The following CDC42BPA variants were observed in gnomAD, a reference collection of about 807,000 sequenced individuals.
CDC42BPA encodes the protein CDC42 binding protein kinase alpha.
CDC42BPA carries 80 observed loss-of-function variants against 223.5 expected under a neutral mutation model. The observed-to-expected ratio is 0.36, with a 90% CI of 0.30 to 0.43. The LOEUF (loss-of-function observed/expected upper bound fraction) is 0.43. CDC42BPA is among the 20% of genes least tolerant of loss of function. The probability of loss-of-function intolerance (pLI) is 1.00; values close to 1 mark genes in which losing one functional copy is unlikely to be tolerated. For synonymous variants in CDC42BPA, 694 were observed against 718.6 expected (o/e 0.97, Z 0.55); for missense variants, 1,743 against 2,099.9 (o/e 0.83, Z 3.32).
intron 1 of CDC42BPA, among the ~76,000 whole-genome samples, chr1:227,263,314 T>G (rs1572710275): frequency 6.6e-6 from 1 of 152,200 alleles, no homozygotes; most frequent in African/African-American, 2.4e-5. Flanking sequence ...GTTTATATAA[T>G]AATTTTTTTA....
intron 5 of CDC42BPA, among the ~76,000 whole-genome samples, chr1:227,176,260 A>G (rs1666948168): frequency 6.6e-6 from 1 of 152,106 alleles, no homozygotes; most frequent in African/African-American, 2.4e-5. Context: ...GCCCACAATG[A>G]TATCTTCAAT....
intron 5 of CDC42BPA, among the ~76,000 whole-genome samples, chr1:227,167,378 C>T (rs548733015): frequency 5.9e-5 from 9 of 152,260 alleles, no homozygotes; most frequent in Admixed American, 5.9e-4. Flanking sequence ...TGACAAATGA[C>T]CTTTTCACTG....
At chr1:227,083,309 CTTTG>C (rs1465806724) in intron 16 of CDC42BPA, among the ~76,000 whole-genome samples, 2 of 151,988 alleles carry the variant, frequency 1.3e-5, no homozygotes, top group Non-Finnish European at 2.9e-5. Flanking sequence ...CAGTCCTTTT[CTTTG>C]TTTCTCTCCA....
At chr1:227,186,654 C>A (rs886544131) in intron 5 of CDC42BPA, among the ~76,000 whole-genome samples, 2 of 152,180 alleles carry the variant, frequency 1.3e-5, no homozygotes, top group Admixed American at 1.3e-4. Context: ...CATGCACACA[C>A]ACGCCCCTTG....
At chr1:227,200,345 T>G (rs969512692) in intron 3 of CDC42BPA, among the ~76,000 whole-genome samples, 1 of 151,470 alleles carries the variant, frequency 6.6e-6, no homozygotes, top group Non-Finnish European at 1.5e-5. Context: ...ACGGGAGAAT[T>G]GCTTGAACCC....
At chr1:227,248,421 G>A (rs930146320) in intron 2 of CDC42BPA, among the ~76,000 whole-genome samples, 1 of 152,008 alleles carries the variant, frequency 6.6e-6, no homozygotes, top group East Asian at 1.9e-4. Flanking sequence ...TAAAGTTGCA[G>A]GATACAAAAT....
chr1:227,027,371 C>T (rs558729913), intron 30 of CDC42BPA, among the ~76,000 whole-genome samples: 1 of 152,216 alleles, frequency 6.6e-6, no homozygotes, highest in South Asian at 2.1e-4. Flanking sequence ...TGACTAGACC[C>T]ATACCCATCA....
rs1328804248 is a variant in CDC42BPA, at chr1:226,990,444, T to C, written c.*3824A>G. 1.3e-5 allele frequency: 2 copies of C among 152,230 alleles called. No homozygotes were observed. Among genetic ancestry groups the C allele is most frequent in the African/African-American group, 2.4e-5 (1 of 41,426 alleles). The allele number at this position is 152,230 out of a possible 1,614,324, so 9.4% of individuals were successfully genotyped here. A position where few individuals can be genotyped will look rare whatever the true frequency, so the allele number is the denominator to read the frequency against. ...GAAAGAGATTTTAAAATGGGCTCCA[T>C]GAAATGCAGCTCATCTAGTTCAGGG... On this transcript the variant is annotated 3_prime_UTR_variant, in exon 37 of 37. Coordinates refer to ENST00000366766, the MANE Select transcript of CDC42BPA (RefSeq NM_001394014.1).
At chr1:227,067,965 A>G (rs1436452091) in intron 21 of CDC42BPA, among the ~76,000 whole-genome samples, 2 of 152,110 alleles carry the variant, frequency 1.3e-5, no homozygotes, top group African/African-American at 4.8e-5. Flanking sequence ...AATAGAGAGA[A>G]TGTTATGCCA....
rs540171850 is a variant in CDC42BPA, at chr1:227,175,963, G to A, written c.600-15327C>T. ...CAGAGCTGTATGTATGGTGTACTGG[G>A]TGTGTGTATGAAATACTGCAGAAGT... On this transcript the variant is annotated intron_variant, in intron 5 of 36. Coordinates refer to ENST00000366766, the MANE Select transcript of CDC42BPA (RefSeq NM_001394014.1). Among the ~76,000 whole-genome samples the A allele has an allele frequency of 2.0e-5, 3 of 152,238 alleles. No homozygotes were observed. The East Asian group carries it at 5.8e-4, about 29-fold the overall frequency.
intron 14 of CDC42BPA, among the ~76,000 whole-genome samples, chr1:227,106,097 C>T (rs1558509278): frequency 6.6e-6 from 1 of 152,088 alleles, no homozygotes; most frequent in Admixed American, 6.6e-5. Flanking sequence ...CTTGTTAAGA[C>T]CTACTTTCTT....
chr1:227,120,647 ACCTATG>A (rs1688504816), intron 11 of CDC42BPA, among the ~76,000 whole-genome samples: 1 of 152,222 alleles, frequency 6.6e-6, no homozygotes, highest in Non-Finnish European at 1.5e-5. Context: ...ATTGATTTTA[ACCTATG>A]CCTCAAAATG....
intron 15 of CDC42BPA, among the ~76,000 whole-genome samples, chr1:227,092,415 T>C (rs1016347750): frequency 3.3e-5 from 5 of 152,218 alleles, no homozygotes; most frequent in African/African-American, 9.7e-5. Flanking sequence ...TTAGATTATA[T>C]AGTCAGAGAA....
intron 24 of CDC42BPA, 70 bp from the exon 25 acceptor site, chr1:227,035,677 T>G (rs1670077937): frequency 9.1e-7 from 1 of 1,103,152 alleles, no homozygotes; most frequent in East Asian, 2.6e-5. Context: ...TAACACTCAC[T>G]GCATACAAGA....
chr1:227,261,730 G>T (rs1684117627), intron 1 of CDC42BPA, among the ~76,000 whole-genome samples: 1 of 152,138 alleles, frequency 6.6e-6, no homozygotes, highest in Non-Finnish European at 1.5e-5. Context: ...ACGAATGAAG[G>T]TATTGCTGGT....
intron 5 of CDC42BPA, among the ~76,000 whole-genome samples, chr1:227,185,645 C>T (rs1668648057): frequency 6.6e-6 from 1 of 152,040 alleles, no homozygotes; most frequent in Non-Finnish European, 1.5e-5. Flanking sequence ...GCTTTGGAGC[C>T]CCCCTCCCTC....
chr1:227,259,454 T>A (rs1356376001), intron 1 of CDC42BPA, among the ~76,000 whole-genome samples: 2 of 150,932 alleles, frequency 1.3e-5, no homozygotes, highest in Non-Finnish European at 2.9e-5. Flanking sequence ...AAAGGAAGTG[T>A]TCCGATAGCT....
At chr1:227,141,892 C>T (rs1659741515) in intron 9 of CDC42BPA, among the ~76,000 whole-genome samples, 1 of 152,074 alleles carries the variant, frequency 6.6e-6, no homozygotes, top group South Asian at 2.1e-4. Flanking sequence ...TCATTTGTGC[C>T]CAGGAGTCTG....
chr1:227,003,533 C>A (rs975996852), intron 35 of CDC42BPA, among the ~76,000 whole-genome samples: 1 of 152,182 alleles, frequency 6.6e-6, no homozygotes, highest in Non-Finnish European at 1.5e-5. Flanking sequence ...TATCTTAGAT[C>A]GCAGTGAATT....
Sources: allele counts gnomAD v4.1 joint callset (sites outside exome capture counted in the v4.1 genomes callset), GRCh38; gene constraint gnomAD v4.1.1; transcripts MANE v1.5; gene names NCBI Gene and HGNC (gene_info 2026-07-23, HGNC 2026-07-21).